The following DPP4 variants were observed in gnomAD, a reference collection of about 807,000 sequenced individuals.
DPP4 encodes the protein ADCP-2.
In DPP4, 93 loss-of-function variants were observed where a neutral mutation model predicts 122.4. The observed-to-expected ratio is 0.76, with a 90% CI of 0.64 to 0.90. DPP4 has a LOEUF of 0.90. DPP4 is among the 40% of genes least tolerant of loss of function. The pLI, the probability that DPP4 is intolerant of heterozygous loss-of-function variation, is 0.00. For missense variants in DPP4, 914 were observed against 907.3 expected, an observed-to-expected ratio of 1.01 and a Z score of -0.09; for synonymous variants, 321 against 302.9, an observed-to-expected ratio of 1.06 and a Z score of -0.62.
chr2:161,994,548 T>C (rs1257863466), intron 25 of DPP4, among the ~76,000 whole-genome samples: 1 of 152,222 alleles, frequency 6.6e-6, no homozygotes, highest in Non-Finnish European at 1.5e-5. Context: ...AAGATCCCAC[T>C]GTTGTTAGAA....
At chr2:162,056,472 G>C (rs958734409) in intron 2 of DPP4, among the ~76,000 whole-genome samples, 2 of 152,216 alleles carry the variant, frequency 1.3e-5, no homozygotes, top group Non-Finnish European at 2.9e-5. Context: ...GATAGGACTA[G>C]ACAGAGTGAG....
intron 8 of DPP4, among the ~76,000 whole-genome samples, chr2:162,037,239 C>T (rs956244872): frequency 8.5e-5 from 13 of 152,268 alleles, no homozygotes; most frequent in South Asian, 8.3e-4. Flanking sequence ...GTTAGCTGCC[C>T]TCTTATCTTC....
chr2:162,044,904 C>T (rs79724736), intron 5 of DPP4, among the ~76,000 whole-genome samples: 5,834 of 151,382 alleles, frequency 0.039, 336 homozygotes, highest in East Asian at 0.26. Flanking sequence ...GGCCATCTTG[C>T]GGAATCTTTT....
chr2:162,030,902 G>T (rs1282889922), intron 10 of DPP4, among the ~76,000 whole-genome samples: 1 of 152,164 alleles, frequency 6.6e-6, no homozygotes, highest in South Asian at 2.1e-4. Context: ...CTGAGAACAA[G>T]AACTTATTGA....
At chr2:161,996,414 G>C (rs1460149269) in intron 23 of DPP4, among the ~76,000 whole-genome samples, 1 of 152,106 alleles carries the variant, frequency 6.6e-6, no homozygotes, top group South Asian at 2.1e-4. Flanking sequence ...TGAAAGCCAA[G>C]GTTTATATTT....
chr2:162,065,897 C>T (rs991691665), intron 2 of DPP4, among the ~76,000 whole-genome samples: 3 of 152,172 alleles, frequency 2.0e-5, no homozygotes, highest in Non-Finnish European at 4.4e-5. Context: ...TATCTATTGT[C>T]TTTCTATCCC....
At chr2:162,039,071 G>A (rs1260263728) in intron 6 of DPP4, 50 bp from the exon 7 acceptor site, 1 of 1,611,378 alleles carries the variant, frequency 6.2e-7, no homozygotes, top group Non-Finnish European at 8.5e-7. Flanking sequence ...ACTCACATTG[G>A]GGTTTCCTTA....
chr2:162,038,478 C>G (rs1456307102), intron 7 of DPP4, 56 bp from the exon 8 acceptor site: 2 of 1,527,574 alleles, frequency 1.3e-6, no homozygotes, highest in East Asian at 4.7e-5. Context: ...ATTTTTATCC[C>G]GGAATTGTAG....
intron 5 of DPP4, among the ~76,000 whole-genome samples, chr2:162,043,721 T>C (rs909243366): frequency 6.6e-6 from 1 of 152,176 alleles, no homozygotes; most frequent in Non-Finnish European, 1.5e-5. Context: ...CAATCACCTA[T>C]GACAGTTTAA....
At chr2:161,994,874 T>A (rs925900261) in intron 25 of DPP4, 87 bp downstream of exon 25, 19 of 1,265,200 alleles carry the variant, frequency 1.5e-5, no homozygotes, top group Non-Finnish European at 2.1e-5. Context: ...CTGTCCTGTC[T>A]GTGGCACTGC....
chr2:162,041,241 G>A (rs1200863567), intron 5 of DPP4, among the ~76,000 whole-genome samples: 2 of 152,024 alleles, frequency 1.3e-5, no homozygotes. Context: ...AAAATTAAAG[G>A]TATTTTCAAA....
chr2:162,029,365 C>A (rs1023583283), intron 10 of DPP4, among the ~76,000 whole-genome samples: 4 of 152,202 alleles, frequency 2.6e-5, no homozygotes, highest in Admixed American at 2.0e-4. Flanking sequence ...AGTGAATCAC[C>A]CGAGGAAGCG....
chr2:162,056,171 G>C lies in DPP4; in HGVS notation c.95-8670C>G, dbSNP rs73009118. On this transcript the variant is annotated intron_variant, in intron 2 of 25. Transcript: ENST00000360534. ...TCCAGCATTACTCATTTTTCCCTTA[G>C]CAATGATACCATCTAACTGATTATA... Among the ~76,000 whole-genome samples the C allele has an allele frequency of 4.8e-3, 737 of 152,186 alleles. 4 individuals carry two copies. The highest frequency in any genetic ancestry group is 0.017 in the African/African-American group (706 of 41,516).
chr2:162,017,197 T>G, intron 16 of DPP4, 42 bp from the exon 17 acceptor site: 1 of 1,573,562 alleles, frequency 6.4e-7, no homozygotes, highest in Non-Finnish European at 8.7e-7. Flanking sequence ...ATGAATACTT[T>G]TTTAGAAAAG....
At chr2:162,040,624 A>G (rs1000093113) in intron 5 of DPP4, among the ~76,000 whole-genome samples, 1 of 152,042 alleles carries the variant, frequency 6.6e-6, no homozygotes, top group Non-Finnish European at 1.5e-5. Context: ...ATAATACTAT[A>G]ATGGTGAAAC....
intron 4 of DPP4, chr2:162,046,698 T>C: frequency 1.6e-6 from 1 of 616,160 alleles, no homozygotes; most frequent in Non-Finnish European, 3.0e-6. Flanking sequence ...CAAGGAGCAC[T>C]TACATTTAAA....
chr2:162,049,386 C>A (rs1457530796), intron 2 of DPP4, among the ~76,000 whole-genome samples: 2 of 150,798 alleles, frequency 1.3e-5, no homozygotes, highest in African/African-American at 2.4e-5. Flanking sequence ...AACAGAAAAC[C>A]AAATGCCACA....
intron 5 of DPP4, among the ~76,000 whole-genome samples, chr2:162,042,621 T>TAAAAAAA (rs777356455): frequency 7.1e-6 from 1 of 140,088 alleles, no homozygotes. Flanking sequence ...CTCTTGAAAG[T>TAAAAAAA]AAAAAAAAAA....
In DPP4 at chr2:162,065,574, C is replaced by A. The variant is rs554904625; in HGVS notation, c.94+7825G>T. Among the ~76,000 whole-genome samples, 12 of 152,234 alleles carry A rather than the reference C, an allele frequency of 7.9e-5. No individual in the cohort carries two copies. In the South Asian group the frequency reaches 2.5e-3, roughly 32 times the overall value. On this transcript the variant is annotated intron_variant, in intron 2 of 25. Coordinates refer to ENST00000360534, the MANE Select transcript of DPP4 (RefSeq NM_001935.4). ...GCCAGGTATTGGGTTCCTTGAAGCC[C>A]AAAACATCCTGATACAATCCTCATA...
Sources: allele counts gnomAD v4.1 joint callset (sites outside exome capture counted in the v4.1 genomes callset), GRCh38; gene constraint gnomAD v4.1.1; transcripts MANE v1.5; gene names NCBI Gene and HGNC (gene_info 2026-07-23, HGNC 2026-07-21).